Variants in NAV2 observed in about 807,000 individuals in gnomAD.
NAV2 encodes neuron navigator 2.
In NAV2, 54 loss-of-function variants were observed where a neutral mutation model predicts 223.2. The observed-to-expected ratio is 0.24, with a 90% CI of 0.19 to 0.30. The LOEUF (loss-of-function observed/expected upper bound fraction) is 0.30. Among genes scored for constraint, NAV2 ranks in the 10% least tolerant of loss-of-function variants. The pLI is 1.00. For missense variants in NAV2, 2,806 were observed against 3,147.5 expected (o/e 0.89, Z 2.60); for synonymous variants, 1,279 against 1,239.3 (o/e 1.03, Z -0.67).
At chr11:19,426,953 G>A (rs1850854714) in intron 1 of NAV2, among the ~76,000 whole-genome samples, 1 of 152,146 alleles carries the variant, frequency 6.6e-6, no homozygotes, top group Non-Finnish European at 1.5e-5. Flanking sequence ...GACTGGTCTT[G>A]GCACCTCTCT....
Position 19,377,222 on chromosome 11 carries a change from A to C in NAV2, c.75+26195A>C, listed in dbSNP as rs149846468. Among the ~76,000 whole-genome samples, 22 of 152,328 alleles carry C rather than the reference A, an allele frequency of 1.4e-4. No individual in the cohort carries two copies. The East Asian group carries it at 3.9e-3, about 27-fold the overall frequency. ...CCCAAGGAAGCAGCAAGAATAGGGC[A>C]AATAGGAATGTTGTCAGGGAGCATG... is the stretch of plus-strand genomic sequence containing the variant. On this transcript the variant is annotated intron_variant, in intron 1 of 37. Coordinates refer to the NAV2 transcript ENST00000360655.
intron 1 of NAV2, among the ~76,000 whole-genome samples, chr11:19,727,418 C>T (rs1009612036): frequency 6.6e-6 from 1 of 152,224 alleles, no homozygotes; most frequent in Admixed American, 6.5e-5. Flanking sequence ...TCTTGAGTCC[C>T]CCAAATCACA....
At chr11:19,431,186 C>A (rs1051981981) in intron 1 of NAV2, among the ~76,000 whole-genome samples, 1 of 152,206 alleles carries the variant, frequency 6.6e-6, no homozygotes, top group Non-Finnish European at 1.5e-5. Flanking sequence ...AGAGTGCATC[C>A]CTTCAAGCTG....
chr11:19,711,290 T>C (rs2049861736), upstream of NAV2: 1 of 152,234 alleles, frequency 6.6e-6, no homozygotes, highest in South Asian at 2.1e-4. Flanking sequence ...ATAAACAGGA[T>C]GGCTTAAACA....
intron 37 of NAV2, among the ~76,000 whole-genome samples, chr11:20,117,359 C>G (rs556984767): frequency 4.1e-4 from 63 of 152,264 alleles, no homozygotes; most frequent in Middle Eastern, 3.4e-3. Flanking sequence ...GCCAGGCCAG[C>G]CCCTTTTCTA....
chr11:19,597,118 T>C (rs1227129784), intron 1 of NAV2, among the ~76,000 whole-genome samples: 2 of 152,216 alleles, frequency 1.3e-5, no homozygotes, highest in Non-Finnish European at 2.9e-5. Context: ...TGAGTTTCCA[T>C]AGGTGACTTT....
intron 10 of NAV2, among the ~76,000 whole-genome samples, chr11:19,950,573 T>C (rs1366295689): frequency 1.3e-5 from 2 of 152,268 alleles, no homozygotes; most frequent in Non-Finnish European, 2.9e-5. Flanking sequence ...TGTTCTTTTA[T>C]TTCATTAAAA....
intron 22 of NAV2, among the ~76,000 whole-genome samples, chr11:20,071,743 G>A (rs11025372): frequency 0.34 from 50,966 of 152,000 alleles, 9,523 homozygotes; most frequent in African/African-American, 0.51. Context: ...CTTTTGAAAA[G>A]TGTCTGTTCA....
intron 6 of NAV2, among the ~76,000 whole-genome samples, chr11:19,912,188 AG>A (rs2043369708): frequency 6.6e-6 from 1 of 152,218 alleles, no homozygotes; most frequent in Non-Finnish European, 1.5e-5. Context: ...AAGATGAGCT[AG>A]GGCCAATGTT....
chr11:19,482,736 A>G (rs2042318415), intron 1 of NAV2, among the ~76,000 whole-genome samples: 1 of 152,158 alleles, frequency 6.6e-6, no homozygotes, highest in Non-Finnish European at 1.5e-5. Context: ...GCATATCAGG[A>G]CCACCTGAGC....
At chr11:20,056,106 A>C in intron 19 of NAV2, 149 bp downstream of exon 19, 2 of 705,870 alleles carry the variant, frequency 2.8e-6, no homozygotes. Context: ...TCTGGGGGTC[A>C]GGGGTGGGGA....
chr11:19,483,680 G>T (rs1313078163), intron 1 of NAV2, among the ~76,000 whole-genome samples: 1 of 152,126 alleles, frequency 6.6e-6, no homozygotes. Flanking sequence ...CGTGATAAGT[G>T]CTTCACTAAG....
At chr11:20,107,447 C>A in intron 35 of NAV2, 2 of 574,798 alleles carry the variant, frequency 3.5e-6, no homozygotes, top group South Asian at 5.0e-5. Flanking sequence ...TAAAGCCTTT[C>A]CTGGAGGAGG....
chr11:19,915,441 A>AT lies in NAV2; in HGVS notation c.932-17728dup, dbSNP rs567339135. Among the ~76,000 whole-genome samples, 30 of 152,118 alleles carry AT rather than the reference A, an allele frequency of 2.0e-4. No individual in the cohort carries two copies. The South Asian group carries it at 3.5e-3, about 18-fold the overall frequency. On this transcript the variant is annotated intron_variant, in intron 6 of 37. Transcript: ENST00000349880. ...CTATAAGACTCCGTGAGCTGGCCTC[A>AT]TTTTTTTGCTGTGCCCTCCCTTCTC...
At chr11:19,709,296 A>G (rs2049781069), upstream of NAV2, among the ~76,000 whole-genome samples, 1 of 151,918 alleles carries the variant, frequency 6.6e-6, no homozygotes, top group Non-Finnish European at 1.5e-5. Flanking sequence ...TAATCCCAGC[A>G]CTTTGGGAGG....
At chr11:19,746,448 T>G (rs977303294) in intron 1 of NAV2, among the ~76,000 whole-genome samples, 3 of 152,200 alleles carry the variant, frequency 2.0e-5, no homozygotes, top group African/African-American at 7.2e-5. Context: ...AGAGCATGAT[T>G]GGAAATTCAG....
At chr11:19,625,241 C>G (rs2047131361) in intron 1 of NAV2, among the ~76,000 whole-genome samples, 1 of 152,182 alleles carries the variant, frequency 6.6e-6, no homozygotes, top group African/African-American at 2.4e-5. Context: ...TTCTTAGTCT[C>G]TAGTATCCTC....
At chr11:19,379,068 G>C (rs1848744570) in intron 1 of NAV2, among the ~76,000 whole-genome samples, 4 of 152,178 alleles carry the variant, frequency 2.6e-5, no homozygotes, top group Admixed American at 2.0e-4. Flanking sequence ...AAGTTTCCTG[G>C]AAAGGCTGCT....
At chr11:20,022,719 A>G (rs915196439) in intron 11 of NAV2, 4 of 1,040,344 alleles carry the variant, frequency 3.8e-6, no homozygotes, top group Non-Finnish European at 4.6e-6. Flanking sequence ...TTTCATTCTT[A>G]GATTTTCTTC....
Sources: allele counts gnomAD v4.1 joint callset (sites outside exome capture counted in the v4.1 genomes callset), GRCh38; gene constraint gnomAD v4.1.1; transcripts MANE v1.5; gene names NCBI Gene and HGNC (gene_info 2026-07-23, HGNC 2026-07-21).